KLHL1: variants seen among roughly 807,000 people sequenced by gnomAD.
KLHL1 encodes the protein kelch like family member 1, also known as kelch-like protein 1.
Under a neutral mutation model 77.7 loss-of-function variants are expected in KLHL1, and 47 were observed. That is an observed-to-expected ratio of 0.60 (90% CI 0.48 to 0.77). The LOEUF (loss-of-function observed/expected upper bound fraction) is 0.77, where lower values mean the gene tolerates loss of function less well. Ranked by LOEUF, KLHL1 falls within the 30% of genes least tolerant of loss-of-function variation. The pLI, the probability that KLHL1 is intolerant of heterozygous loss-of-function variation, is 0.00. For synonymous variants in KLHL1, 360 were observed against 325.2 expected, an observed-to-expected ratio of 1.11 and a Z score of -1.15; for missense variants, 925 against 910.8, an observed-to-expected ratio of 1.02 and a Z score of -0.20.
intron 7 of KLHL1, among the ~76,000 whole-genome samples, chr13:69,744,705 A>C (rs1427248714): frequency 6.6e-6 from 1 of 151,810 alleles, no homozygotes; most frequent in Non-Finnish European, 1.5e-5. Context: ...TTCCTCAAAG[A>C]ATAAGTTTTT....
chr13:69,705,057 A>G (rs537660056), intron 10 of KLHL1, among the ~76,000 whole-genome samples: 4 of 151,852 alleles, frequency 2.6e-5, no homozygotes, highest in African/African-American at 7.2e-5. Flanking sequence ...GAGACAGGTT[A>G]ATAAATGACA....
chr13:69,704,682 T>G (rs898910056), intron 10 of KLHL1, among the ~76,000 whole-genome samples: 1 of 151,766 alleles, frequency 6.6e-6, no homozygotes, highest in African/African-American at 2.4e-5. Flanking sequence ...TAAGTACATT[T>G]TCAATGTTTA....
At chr13:70,104,744 A>T (rs1700635557) in intron 1 of KLHL1, among the ~76,000 whole-genome samples, 1 of 152,144 alleles carries the variant, frequency 6.6e-6, no homozygotes, top group African/African-American at 2.4e-5. Context: ...TAGTTTATGT[A>T]GTCACTGATC....
rs982296305 is a variant in KLHL1 at position 70,089,296 on chromosome 13, TTTG to T, written c.497+17904_497+17906del. Reference sequence around the variant, plus strand: ...TGTTGTTGCCGTCAGTTGTTTTGTTTTTGTTGTTGTTGTTTTGCCTTTTGTTAT... The same window carrying T: ...TGTTGTTGCCGTCAGTTGTTTTGTTTTTGTTGTTGTTTTGCCTTTTGTTAT... On this transcript the variant is annotated intron_variant, in intron 1 of 10. Coordinates refer to ENST00000377844, the MANE Select transcript of KLHL1 (RefSeq NM_020866.3). 4.6e-5 allele frequency among the ~76,000 whole-genome samples: 7 copies of T among 152,282 alleles called. No homozygotes were observed. In the South Asian group the frequency reaches 8.3e-4, roughly 18 times the overall value.
At chr13:69,950,181 T>G (rs777335076) in intron 3 of KLHL1, among the ~76,000 whole-genome samples, 10 of 151,676 alleles carry the variant, frequency 6.6e-5, no homozygotes, top group Non-Finnish European at 1.0e-4. Flanking sequence ...CAAAAGTAGC[T>G]GCGACAATAC....
intron 7 of KLHL1, among the ~76,000 whole-genome samples, chr13:69,772,913 GTTTT>G (rs577912214): frequency 6.6e-6 from 1 of 151,828 alleles, no homozygotes; most frequent in African/African-American, 2.4e-5. Context: ...AAGAGATAGA[GTTTT>G]TTTTAACAAC....
intron 5 of KLHL1, among the ~76,000 whole-genome samples, chr13:69,850,159 A>C (rs1879628650): frequency 6.6e-6 from 1 of 151,498 alleles, no homozygotes; most frequent in Non-Finnish European, 1.5e-5. Flanking sequence ...TGAATATTCC[A>C]CTAACAATTC....
intron 8 of KLHL1, among the ~76,000 whole-genome samples, chr13:69,737,550 C>G (rs1380624562): frequency 6.6e-6 from 1 of 152,330 alleles, no homozygotes; most frequent in East Asian, 1.9e-4. Context: ...CCCTCTGCTG[C>G]TGGTGCCAGC....
intron 1 of KLHL1, among the ~76,000 whole-genome samples, chr13:70,094,584 A>T (rs554556322): frequency 6.6e-6 from 1 of 152,234 alleles, no homozygotes; most frequent in South Asian, 2.1e-4. Context: ...AGAAGAGCAC[A>T]GAATTAATCT....
chr13:69,911,160 C>G (rs1882224751), intron 4 of KLHL1, among the ~76,000 whole-genome samples: 1 of 151,898 alleles, frequency 6.6e-6, no homozygotes, highest in Non-Finnish European at 1.5e-5. Context: ...CTTATTTTTT[C>G]ATTTTCCATT....
intron 5 of KLHL1, among the ~76,000 whole-genome samples, chr13:69,841,790 T>C (rs1879271222): frequency 6.6e-6 from 1 of 151,698 alleles, no homozygotes; most frequent in Non-Finnish European, 1.5e-5. Context: ...ACTGGAGGTA[T>C]CACATTACCT....
At position 70,074,133 on chromosome 13, in the gene KLHL1, G is replaced by A. The variant is rs192971222; in HGVS notation, c.497+33070C>T. Reference sequence around the variant, plus strand: ...TGAGCCACCTTGCCCGGCACCTTAAGCCTCCGCACCCGGCCCATAAAAATT... The same window carrying A: ...TGAGCCACCTTGCCCGGCACCTTAAACCTCCGCACCCGGCCCATAAAAATT... On this transcript the variant is annotated intron_variant, in intron 1 of 10. Coordinates refer to ENST00000377844, the MANE Select transcript of KLHL1 (RefSeq NM_020866.3). 1.6e-3 allele frequency among the ~76,000 whole-genome samples: 246 copies of A among 152,122 alleles called. 3 individuals carry two copies. Among genetic ancestry groups the A allele is most frequent in the African/African-American group, 5.6e-3 (234 of 41,474 alleles).
intron 1 of KLHL1, among the ~76,000 whole-genome samples, chr13:70,056,198 T>C (rs1449422228): frequency 6.6e-6 from 1 of 152,022 alleles, no homozygotes; most frequent in South Asian, 2.1e-4. Context: ...GTAGATAAAC[T>C]TGTGTCAAGT....
At position 70,105,295 on chromosome 13, in the gene KLHL1, T is replaced by C. The variant is rs182860968; in HGVS notation, c.497+1908A>G. Among the ~76,000 whole-genome samples, 946 of 152,048 alleles carry C rather than the reference T, an allele frequency of 6.2e-3. 6 individuals are homozygous for C. Among genetic ancestry groups the C allele is most frequent in the African/African-American group, 0.021 (888 of 41,576 alleles). On this transcript the variant is annotated intron_variant, in intron 1 of 10. Transcript: ENST00000377844. ...TTTTCCCTAACTAAACTGTTTGTTC[T>C]GTTATTAGTTTTAATTTATTATAAT... is the stretch of plus-strand genomic sequence containing the variant.
Position 69,780,721 on chromosome 13 carries a change from TATATATATATAC to T in KLHL1, c.1639+16005_1639+16016del, listed in dbSNP as rs1566243882. On this transcript the variant is annotated intron_variant, in intron 7 of 10. Transcript: ENST00000377844. ...ATATATGTATATATATATATGTATATATATATATATACATATATATATACATATATATATATA... is the reference window on the plus strand; with the variant it reads ...ATATATGTATATATATATATGTATATATATATATATACATATATATATATA... 1.3e-4 allele frequency among the ~76,000 whole-genome samples: 8 copies of T among 62,852 alleles called. 1 individual carries two copies. Among genetic ancestry groups the T allele is most frequent in the Admixed American group, 8.2e-4 (6 of 7,340 alleles). 41.2% of individuals were successfully genotyped at this position (62,852 alleles called of 152,430 possible).
chr13:69,910,213 C>A (rs1335412438), intron 4 of KLHL1, among the ~76,000 whole-genome samples: 1 of 151,832 alleles, frequency 6.6e-6, no homozygotes, highest in African/African-American at 2.4e-5. Context: ...TTCAAAGATC[C>A]ATGACATCAT....
chr13:69,935,648 G>A (rs1025260628), intron 4 of KLHL1, among the ~76,000 whole-genome samples: 1 of 151,980 alleles, frequency 6.6e-6, no homozygotes, highest in Non-Finnish European at 1.5e-5. Flanking sequence ...TCCATCAGAG[G>A]GAAGAAAGAA....
rs770119605 is a variant in KLHL1, at chr13:69,839,063, T to G, written c.1327A>C (p.Arg443=). The change falls in exon 6 of 11, where the codon AGA becomes CGA. Residue 443 remains arginine (R), a synonymous_variant. Coordinates refer to ENST00000377844, the MANE Select transcript of KLHL1 (RefSeq NM_020866.3). ...GTTCTCGGACTTTGCATTAAAGTTCTTCTTTCTGGCAATAGATGGTATTTC... is the reference window on the plus strand; with the variant it reads ...GTTCTCGGACTTTGCATTAAAGTTCGTCTTTCTGGCAATAGATGGTATTTC... ...AMKYHLLPER[R]TLMQSPRTKP... is the part of the protein sequence containing the mutation. 1.0e-4 allele frequency: 164 copies of G among 1,611,226 alleles called. No homozygotes were observed. The highest frequency in any genetic ancestry group is 1.4e-4 in the Non-Finnish European group (160 of 1,178,396).
chr13:69,904,533 C>T (rs1403833281), intron 4 of KLHL1, among the ~76,000 whole-genome samples: 1 of 152,030 alleles, frequency 6.6e-6, no homozygotes, highest in African/African-American at 2.4e-5. Context: ...TCCCATTAGC[C>T]CTGGTACTAT....
Sources: allele counts gnomAD v4.1 joint callset (sites outside exome capture counted in the v4.1 genomes callset), GRCh38; gene constraint gnomAD v4.1.1; transcripts MANE v1.5; gene names NCBI Gene and HGNC (gene_info 2026-07-23, HGNC 2026-07-21).